The following TMC5 variants were observed in gnomAD, a reference collection of about 807,000 sequenced individuals.
TMC5 encodes the protein transmembrane channel-like protein 5.
In TMC5, 86 loss-of-function variants were observed where a neutral mutation model predicts 110.5. That is an observed-to-expected ratio of 0.78 (90% CI 0.65 to 0.93). TMC5 has a LOEUF of 0.93. Ranked by LOEUF, TMC5 falls within the 40% of genes least tolerant of loss-of-function variation. The pLI, the probability that TMC5 is intolerant of heterozygous loss-of-function variation, is 0.00. For synonymous variants in TMC5, 455 were observed against 439.5 expected (o/e 1.04, Z -0.44); for missense variants, 1,144 against 1,222.8 (o/e 0.94, Z 0.96).
Position 19,429,751 on chromosome 16 carries a change from T to C in TMC5, c.-307-662T>C, listed in dbSNP as rs537474066. On this transcript the variant is annotated intron_variant, in intron 1 of 21. Coordinates refer to ENST00000542583, the MANE Select transcript of TMC5 (RefSeq NM_001261841.2). ...CTTTTTTAAATTCTTTTTCATAGCCTTTCAAGAATTTTTAGAATTAGCCAG... is the reference window on the plus strand; with the variant it reads ...CTTTTTTAAATTCTTTTTCATAGCCCTTCAAGAATTTTTAGAATTAGCCAG... Among the ~76,000 whole-genome samples the C allele has an allele frequency of 3.3e-5, 5 of 152,256 alleles. No homozygotes were observed. The East Asian group carries it at 7.7e-4, about 24-fold the overall frequency.
At chr16:19,411,336 T>G (rs539588338) in intron 1 of TMC5, 3 of 152,272 alleles carry the variant, frequency 2.0e-5, no homozygotes, top group African/African-American at 7.2e-5. Flanking sequence ...AAGGTTAAAA[T>G]TAGACTTCCC....
chr16:19,450,652 C>A (rs1399696532), intron 5 of TMC5, among the ~76,000 whole-genome samples: 1 of 152,158 alleles, frequency 6.6e-6, no homozygotes, highest in Non-Finnish European at 1.5e-5. Context: ...GGAAGTCTTG[C>A]TTCCTCCCTG....
chr16:19,456,870 C>G, intron 5 of TMC5: 2 of 1,614,192 alleles, frequency 1.2e-6, no homozygotes, highest in Non-Finnish European at 1.7e-6. Context: ...GTGATAGACT[C>G]TCAGACAGTC....
At chr16:19,423,216 A>G (rs1212186096) in intron 1 of TMC5, among the ~76,000 whole-genome samples, 2 of 152,180 alleles carry the variant, frequency 1.3e-5, no homozygotes, top group Non-Finnish European at 2.9e-5. Flanking sequence ...TGACTGACAC[A>G]TTGGACCAGA....
intron 2 of TMC5, among the ~76,000 whole-genome samples, chr16:19,436,396 A>G (rs1967351372): frequency 6.6e-6 from 1 of 152,028 alleles, no homozygotes; most frequent in Non-Finnish European, 1.5e-5. Context: ...AATTTCTTGA[A>G]TTTACTAGGC....
chr16:19,447,769 G>T (rs775438333), intron 4 of TMC5, among the ~76,000 whole-genome samples: 7 of 151,820 alleles, frequency 4.6e-5, no homozygotes, highest in Non-Finnish European at 7.4e-5. Flanking sequence ...GCCCAAGCTG[G>T]TCTCAAACTC....
intron 1 of TMC5, among the ~76,000 whole-genome samples, chr16:19,419,911 C>A (rs899091930): frequency 2.0e-5 from 3 of 152,128 alleles, no homozygotes; most frequent in Admixed American, 2.0e-4. Flanking sequence ...AGTCACCCAA[C>A]GTTCATCATT....
chr16:19,440,567 G>T lies in TMC5; in HGVS notation c.529G>T (p.Ala177Ser). The T allele has an allele frequency of 6.2e-7, 1 of 1,614,160 alleles. No individual in the cohort carries two copies. Among genetic ancestry groups the T allele is most frequent in the Non-Finnish European group, 8.5e-7 (1 of 1,180,026 alleles). Residue 177 changes from alanine to serine, a missense_variant, in exon 3 of 22, where the codon GCC (alanine) becomes TCC (serine). Physicochemically the swap from Ala to Ser is moderately conservative, Grantham distance 99 (BLOSUM62 1). Coordinates refer to ENST00000542583, the MANE Select transcript of TMC5 (RefSeq NM_001261841.2). ...CAACTCTGATCATCCTGGACCCAGA[G>T]CCAATTTGAACCATCCAGGATCCAG... ...QSNSDHPGPR[A>S]NLNHPGSRKN...
chr16:19,440,952 T>A, intron 3 of TMC5, 126 bp downstream of exon 3: 2 of 959,868 alleles, frequency 2.1e-6, no homozygotes, highest in Non-Finnish European at 3.1e-6. Context: ...CCTGAAGTTG[T>A]GGTGAAATGC....
rs956455360 is a variant in TMC5 at position 19,490,686 on chromosome 16, C to T, written c.2747+118C>T. ...TAGCATAGCTCAGTGTTCTGGGTGA[C>T]TCTACCCTTGCATAGGTAGTTTTCT... On this transcript the variant is annotated intron_variant, in intron 18 of 21. Coordinates refer to ENST00000542583, the MANE Select transcript of TMC5 (RefSeq NM_001261841.2). The T allele has an allele frequency of 9.6e-6, 9 of 940,370 alleles. No homozygotes were observed. In the African/African-American group the frequency reaches 1.5e-4, roughly 16 times the overall value. 58.3% of individuals were successfully genotyped at this position (940,370 alleles called of 1,614,324 possible). A position where few individuals can be genotyped will look rare whatever the true frequency, so the allele number is the denominator to read the frequency against.
intron 9 of TMC5, among the ~76,000 whole-genome samples, chr16:19,467,044 G>T (rs1968208281): frequency 6.6e-6 from 1 of 152,062 alleles, no homozygotes; most frequent in African/African-American, 2.4e-5. Context: ...TATTCGGGAG[G>T]CTGAGGTGGG....
In TMC5 at chr16:19,498,195, A is replaced by G. The variant is rs946377936; in HGVS notation, c.*229A>G. 3.0e-5 allele frequency: 16 copies of G among 537,576 alleles called. No homozygotes were observed. The highest frequency in any genetic ancestry group is 2.0e-4 in the South Asian group (9 of 45,072). The allele number at this position is 537,576 out of a possible 1,614,324, so 33.3% of individuals were successfully genotyped here. A position where few individuals can be genotyped will look rare whatever the true frequency, so the allele number is the denominator to read the frequency against. On this transcript the variant is annotated 3_prime_UTR_variant, in exon 22 of 22. Transcript: ENST00000542583. ...AAGACAAAATACTTGGGGTTTTCCA[A>G]TAAAGATTGTTGTAATATTGAAATG...
In TMC5 at chr16:19,456,927, C is replaced by T. The variant is rs568496626; in HGVS notation, c.1049-3308C>T. 26 of 1,614,196 alleles carry T rather than the reference C, an allele frequency of 1.6e-5. No individual in the cohort carries two copies. The South Asian group carries it at 2.7e-4, about 17-fold the overall frequency. On this transcript the variant is annotated intron_variant, in intron 5 of 21. Coordinates refer to ENST00000542583, the MANE Select transcript of TMC5 (RefSeq NM_001261841.2). ...GGTAACCAGGTGCTGCGGTTTTCAA[C>T]ATCTTTGAATGAGTCGATGTCTCAG...
chr16:19,441,913 C>T (rs1967499290), intron 3 of TMC5, among the ~76,000 whole-genome samples: 1 of 152,174 alleles, frequency 6.6e-6, no homozygotes, highest in African/African-American at 2.4e-5. Context: ...AAGCGATTCT[C>T]CTACCTCAGT....
chr16:19,472,031 G>A, intron 10 of TMC5, 57 bp from the exon 11 acceptor site: 1 of 1,585,246 alleles, frequency 6.3e-7, no homozygotes, highest in Admixed American at 1.7e-5. Context: ...AAAGTGCTGG[G>A]ATTACAGGCG....
At chr16:19,493,811 C>T (rs1444051339) in intron 19 of TMC5, among the ~76,000 whole-genome samples, 1 of 152,226 alleles carries the variant, frequency 6.6e-6, no homozygotes, top group Non-Finnish European at 1.5e-5. Flanking sequence ...TTCCCCTCCC[C>T]ACTTCCTCTT....
At chr16:19,465,780 C>T (rs543645951) in intron 8 of TMC5, among the ~76,000 whole-genome samples, 1 of 152,290 alleles carries the variant, frequency 6.6e-6, no homozygotes, top group East Asian at 1.9e-4. Context: ...GTGACAGAGG[C>T]ACATAATACT....
At chr16:19,424,608 C>T (rs1288812189) in intron 1 of TMC5, among the ~76,000 whole-genome samples, 1 of 152,100 alleles carries the variant, frequency 6.6e-6, no homozygotes, top group Non-Finnish European at 1.5e-5. Context: ...GAGATGGCGC[C>T]ATTGCCCTTC....
chr16:19,419,408 T>TG (rs1297916168), intron 1 of TMC5, among the ~76,000 whole-genome samples: 1 of 126,000 alleles, frequency 7.9e-6, no homozygotes, highest in Admixed American at 8.0e-5. Context: ...GTTGGTTTTT[T>TG]TTTTTTTTTT....
Sources: allele counts gnomAD v4.1 joint callset (sites outside exome capture counted in the v4.1 genomes callset), GRCh38; gene constraint gnomAD v4.1.1; transcripts MANE v1.5; gene names NCBI Gene and HGNC (gene_info 2026-07-23, HGNC 2026-07-21).